Variants in SNTG1 observed in about 807,000 individuals in gnomAD.
SNTG1 encodes the protein gamma-1-syntrophin.
Under a neutral mutation model 74.7 loss-of-function variants are expected in SNTG1, and 39 were observed. That is an observed-to-expected ratio of 0.52 (90% CI 0.40 to 0.68). The LOEUF (loss-of-function observed/expected upper bound fraction) is 0.68. Ranked by LOEUF, SNTG1 falls within the 30% of genes least tolerant of loss-of-function variation. The pLI, the probability that SNTG1 is intolerant of heterozygous loss-of-function variation, is 0.00. For missense variants in SNTG1, 685 were observed against 609.5 expected (o/e 1.12, Z -1.30); for synonymous variants, 254 against 217.1 (o/e 1.17, Z -1.49).
chr8:50,787,118 G>A (rs7819884), intron 18 of SNTG1, among the ~76,000 whole-genome samples: 13,997 of 151,204 alleles, frequency 0.093, 1,900 homozygotes, highest in African/African-American at 0.3. Context: ...ATATATAAAG[G>A]GTTTTCAGAG....
chr8:50,301,465 A>T (rs1391864658), intron 2 of SNTG1, among the ~76,000 whole-genome samples: 2 of 152,060 alleles, frequency 1.3e-5, no homozygotes. Flanking sequence ...ATAATTTATC[A>T]TCATCATACT....
intron 1 of SNTG1, among the ~76,000 whole-genome samples, chr8:49,963,174 C>G (rs1360796795): frequency 6.6e-6 from 1 of 152,108 alleles, no homozygotes; most frequent in South Asian, 2.1e-4. Context: ...GTTAGAAAAC[C>G]CTCTTCATCC....
chr8:50,738,042 T>C (rs985729325), intron 17 of SNTG1, among the ~76,000 whole-genome samples: 4 of 152,082 alleles, frequency 2.6e-5, no homozygotes, highest in African/African-American at 7.2e-5. Flanking sequence ...CAAGATAGTA[T>C]TGGAAGTTCT....
chr8:50,314,638 A>G (rs1191053345), intron 2 of SNTG1, among the ~76,000 whole-genome samples: 1 of 150,020 alleles, frequency 6.7e-6, no homozygotes, highest in African/African-American at 2.5e-5. Flanking sequence ...CTATTTCCTG[A>G]AAGTGTCTTA....
At chr8:50,022,286 A>T (rs1239172955) in intron 1 of SNTG1, among the ~76,000 whole-genome samples, 1 of 152,188 alleles carries the variant, frequency 6.6e-6, no homozygotes, top group African/African-American at 2.4e-5. Context: ...TGTAATAGAT[A>T]TTTGTGCAAA....
Position 50,449,729 on chromosome 8 carries a change from A to G in SNTG1, c.277+4A>G. 2 of 1,587,040 alleles carry G rather than the reference A, an allele frequency of 1.3e-6. No individual in the cohort carries two copies. The highest frequency in any genetic ancestry group is 1.2e-5 in the South Asian group (1 of 86,030). On this transcript the variant is annotated splice_donor_region_variant and intron_variant, in intron 6 of 18. Transcript: ENST00000642720. ...AAAATCTCCAAGGAACAAAGAGGTAATATGTTTAGAGAATTGTGTACCAGC... is the reference window on the plus strand; with the variant it reads ...AAAATCTCCAAGGAACAAAGAGGTAGTATGTTTAGAGAATTGTGTACCAGC...
chr8:50,792,318 G>A (rs1008970679), intron 18 of SNTG1, among the ~76,000 whole-genome samples: 9 of 151,738 alleles, frequency 5.9e-5, no homozygotes, highest in African/African-American at 2.2e-4. Context: ...TCTGATGTGT[G>A]CACAAAGAGA....
chr8:50,399,004 T>C (rs1415386470), intron 3 of SNTG1, among the ~76,000 whole-genome samples: 4 of 152,228 alleles, frequency 2.6e-5, no homozygotes, highest in Admixed American at 6.5e-5. Context: ...ATCTAATTAA[T>C]GTCTGATTCT....
At chr8:50,063,989 T>C (rs1476895581) in intron 1 of SNTG1, among the ~76,000 whole-genome samples, 1 of 152,196 alleles carries the variant, frequency 6.6e-6, no homozygotes, top group Non-Finnish European at 1.5e-5. Context: ...CTATAGCAAC[T>C]TACTAATTGC....
intron 9 of SNTG1, among the ~76,000 whole-genome samples, chr8:50,523,181 A>G (rs113261369): frequency 0.018 from 2,701 of 152,248 alleles, 94 homozygotes; most frequent in African/African-American, 0.062. Flanking sequence ...GCCCTGGATT[A>G]AGATTTGGCT....
chr8:50,110,650 A>T (rs2080547623), intron 1 of SNTG1, among the ~76,000 whole-genome samples: 1 of 152,182 alleles, frequency 6.6e-6, no homozygotes, highest in Non-Finnish European at 1.5e-5. Flanking sequence ...CTTTAAATCC[A>T]GGTAAACATA....
At chr8:50,064,229 T>C (rs1820716821) in intron 1 of SNTG1, among the ~76,000 whole-genome samples, 1 of 152,194 alleles carries the variant, frequency 6.6e-6, no homozygotes, top group Admixed American at 6.5e-5. Flanking sequence ...AAGCTTTGAT[T>C]CCCATATTCA....
intron 2 of SNTG1, among the ~76,000 whole-genome samples, chr8:50,301,404 T>TC (rs2089638098): frequency 6.6e-6 from 1 of 152,164 alleles, no homozygotes; most frequent in Non-Finnish European, 1.5e-5. Context: ...TTCCAGAATT[T>TC]CAACTTCTTT....
At chr8:50,028,589 A>G (rs1477699249) in intron 1 of SNTG1, among the ~76,000 whole-genome samples, 1 of 143,060 alleles carries the variant, frequency 7.0e-6, no homozygotes, top group Non-Finnish European at 1.5e-5. Context: ...CGTTTAAGAG[A>G]TACAGTTTTG....
chr8:50,341,942 G>A (rs376350142), intron 2 of SNTG1, among the ~76,000 whole-genome samples: 43 of 151,954 alleles, frequency 2.8e-4, no homozygotes, highest in African/African-American at 9.2e-4. Context: ...ACCAAATTTT[G>A]TATGATTGCC....
intron 12 of SNTG1, among the ~76,000 whole-genome samples, chr8:50,582,415 T>C (rs1424392504): frequency 6.6e-6 from 1 of 152,076 alleles, no homozygotes; most frequent in Non-Finnish European, 1.5e-5. Context: ...AGAAAAGTAT[T>C]AAAATAAGCA....
At chr8:49,982,482 G>A (rs1812770987) in intron 1 of SNTG1, among the ~76,000 whole-genome samples, 1 of 151,362 alleles carries the variant, frequency 6.6e-6, no homozygotes, top group Admixed American at 6.6e-5. Context: ...ATTATATATA[G>A]TGCAAAATAT....
At position 50,026,275 on chromosome 8, in the gene SNTG1, G is replaced by C. The variant is rs538174273; in HGVS notation, c.-103+114044G>C. Among the ~76,000 whole-genome samples, 7 of 152,210 alleles carry C rather than the reference G, an allele frequency of 4.6e-5. No individual in the cohort carries two copies. In the East Asian group the frequency reaches 1.4e-3, roughly 29 times the overall value. On this transcript the variant is annotated intron_variant, in intron 1 of 18. Transcript: ENST00000642720. ...AAAATGTCTTTAGAAATGTGCAGAG[G>C]GTAGTGGTTGACTATTTAGTTCAGG...
intron 2 of SNTG1, among the ~76,000 whole-genome samples, chr8:50,379,676 T>C (rs1424244265): frequency 6.6e-6 from 1 of 152,178 alleles, no homozygotes; most frequent in Non-Finnish European, 1.5e-5. Context: ...TAATAATAAA[T>C]GTTAAAAGTG....
Sources: gnomAD v4.1 joint callset for allele counts (sites outside exome capture counted in the v4.1 genomes callset) on GRCh38, gnomAD v4.1.1 for gene constraint, MANE v1.5 for transcripts, NCBI Gene and HGNC (gene_info 2026-07-23, HGNC 2026-07-21) for gene names.